GTF2IRD1: variants seen among roughly 807,000 people sequenced by gnomAD.
GTF2IRD1 encodes general transcription factor II-I repeat domain-containing protein 1.
GTF2IRD1 carries 26 observed loss-of-function variants against 113.2 expected under a neutral mutation model. The ratio of observed to expected loss-of-function variants is 0.23; its 90% CI spans 0.17 to 0.32. The LOEUF (loss-of-function observed/expected upper bound fraction) is 0.32. Among genes scored for constraint, GTF2IRD1 ranks in the 10% least tolerant of loss-of-function variants. The pLI is 1.00. For synonymous variants in GTF2IRD1, 484 were observed against 529.1 expected (o/e 0.91, Z 1.17); for missense variants, 864 against 1,280.8 (o/e 0.67, Z 4.97).
rs1562848828 is a variant in GTF2IRD1 at position 74,538,174 on chromosome 7, G to T, written c.1447+1G>T. ...AGCATGTCTGAAGACTGTGGGCCAG[G>T]TGAGAAGGAACAGGGCCCGCTGTGT... On this transcript the variant is annotated splice_donor_variant, in intron 12 of 26. Transcript: ENST00000424337. LOFTEE classifies it high-confidence loss of function. 1 of 1,612,592 alleles carries T rather than the reference G, an allele frequency of 6.2e-7. No individual in the cohort carries two copies. Among genetic ancestry groups the T allele is most frequent in the Non-Finnish European group, 8.5e-7 (1 of 1,179,838 alleles).
At position 74,561,362 on chromosome 7, in the gene GTF2IRD1, AAAAG is replaced by A. The variant is rs200277123; in HGVS notation, c.2320+1710_2320+1713del. 5.5e-4 allele frequency among the ~76,000 whole-genome samples: 82 copies of A among 149,570 alleles called. 2 individuals carry two copies. The highest frequency in any genetic ancestry group is 1.2e-3 in the East Asian group (6 of 4,896). ...AGATTGTCTCAAAAAAAAAAAAAAA[AAAAG>A]AACTTAGGGTACAGTGATGTGGCGG... On this transcript the variant is annotated intron_variant, in intron 22 of 26. Coordinates refer to ENST00000424337, the MANE Select transcript of GTF2IRD1 (RefSeq NM_005685.4).
At chr7:74,529,678 C>T in intron 8 of GTF2IRD1, 56 bp from the exon 9 acceptor site, 2 of 1,530,640 alleles carry the variant, frequency 1.3e-6, no homozygotes, top group Non-Finnish European at 1.8e-6. Context: ...CTCCCGGGTC[C>T]TGTGTGTCCA....
chr7:74,467,503 A>AG (rs1793798868), intron 1 of GTF2IRD1, among the ~76,000 whole-genome samples: 1 of 151,044 alleles, frequency 6.6e-6, no homozygotes, highest in Non-Finnish European at 1.5e-5. Context: ...TTATTTATTT[A>AG]TTTTGTTTTG....
chr7:74,588,305 G>A (rs1414514426), intron 22 of GTF2IRD1, among the ~76,000 whole-genome samples: 4 of 150,906 alleles, frequency 2.7e-5, no homozygotes, highest in Non-Finnish European at 4.4e-5. Context: ...ACGGGGTTTC[G>A]CTATGTTGGC....
chr7:74,524,995 C>T (rs1554346922), intron 8 of GTF2IRD1, among the ~76,000 whole-genome samples: 1 of 152,110 alleles, frequency 6.6e-6, no homozygotes, highest in Non-Finnish European at 1.5e-5. Flanking sequence ...TACGATTGTA[C>T]CCCTGCACTC....
At position 74,461,216 on chromosome 7, in the gene GTF2IRD1, G is replaced by A. The variant is rs1445677215; in HGVS notation, c.-7+7040G>A. Among the ~76,000 whole-genome samples, 4 of 152,278 alleles carry A rather than the reference G, an allele frequency of 2.6e-5. No homozygotes were observed. The South Asian group carries it at 8.3e-4, about 32-fold the overall frequency. On this transcript the variant is annotated intron_variant, in intron 1 of 26. Transcript: ENST00000424337. ...GGGAGGGCCTGGCTTGAGGGCTTGC[G>A]GTCCTGGGCACTTGAGGATGCAGAA...
intron 3 of GTF2IRD1, among the ~76,000 whole-genome samples, chr7:74,514,418 C>T (rs1449944749): frequency 6.6e-6 from 1 of 152,118 alleles, no homozygotes; most frequent in African/African-American, 2.4e-5. Flanking sequence ...CCGCCCAGAG[C>T]CTGAGGCGGT....
chr7:74,593,099 C>T (rs782014500), intron 24 of GTF2IRD1, among the ~76,000 whole-genome samples: 17 of 151,722 alleles, frequency 1.1e-4, no homozygotes, highest in Non-Finnish European at 2.1e-4. Flanking sequence ...TTAAGTGATC[C>T]GCCCACCTTG....
At chr7:74,593,970 C>T (rs1228187214) in intron 24 of GTF2IRD1, among the ~76,000 whole-genome samples, 3 of 151,642 alleles carry the variant, frequency 2.0e-5, no homozygotes, top group South Asian at 2.1e-4. Flanking sequence ...GAGGCCAAGG[C>T]GGGCAGTTCA....
At chr7:74,515,654 C>T (rs941093638) in intron 4 of GTF2IRD1, 58 bp downstream of exon 4, 20 of 1,524,006 alleles carry the variant, frequency 1.3e-5, no homozygotes, top group Non-Finnish European at 1.8e-5. Context: ...CCTCGGTCCC[C>T]ACCCAGCAGA....
At chr7:74,533,831 C>G (rs1554349535) in intron 9 of GTF2IRD1, among the ~76,000 whole-genome samples, 6 of 151,982 alleles carry the variant, frequency 3.9e-5, no homozygotes, top group Non-Finnish European at 1.5e-5. Flanking sequence ...GTCAGGAGTT[C>G]AATGTGGACA....
chr7:74,589,979 GT>G (rs782204776), intron 23 of GTF2IRD1, 51 bp downstream of exon 23: 22 of 1,227,996 alleles, frequency 1.8e-5, no homozygotes, highest in Non-Finnish European at 3.6e-6. Context: ...CCCGGGGGTG[GT>G]GGGGGGCCTC....
rs1480716426 is a variant in GTF2IRD1 at position 74,504,776 on chromosome 7, C to A, written c.-6-3299C>A. Among the ~76,000 whole-genome samples, 5 of 146,660 alleles carry A rather than the reference C, an allele frequency of 3.4e-5. No individual in the cohort carries two copies. The East Asian group carries it at 8.1e-4, about 24-fold the overall frequency. ...AGGCTGGAATGCAGTGGCGCCATCTCGGCTCACTGCAACCTCCACCGCCGG... is the reference window on the plus strand; with the variant it reads ...AGGCTGGAATGCAGTGGCGCCATCTAGGCTCACTGCAACCTCCACCGCCGG... On this transcript the variant is annotated intron_variant, in intron 1 of 26. Coordinates refer to ENST00000424337, the MANE Select transcript of GTF2IRD1 (RefSeq NM_005685.4).
At chr7:74,561,803 C>T (rs1472167910) in intron 22 of GTF2IRD1, among the ~76,000 whole-genome samples, 7 of 152,080 alleles carry the variant, frequency 4.6e-5, no homozygotes, top group African/African-American at 1.7e-4. Context: ...ACTAGGGTTA[C>T]AGCAGAGTGC....
intron 15 of GTF2IRD1, 55 bp downstream of exon 15, chr7:74,544,857 C>A (rs1180232322): frequency 1.4e-6 from 2 of 1,413,428 alleles, no homozygotes; most frequent in South Asian, 1.2e-5. Context: ...CATCTCTCTT[C>A]CCCTGCCGCC....
intron 1 of GTF2IRD1, among the ~76,000 whole-genome samples, chr7:74,464,919 T>A (rs1562769682): frequency 6.6e-6 from 1 of 151,944 alleles, no homozygotes; most frequent in Non-Finnish European, 1.5e-5. Flanking sequence ...ACTCGGTGGG[T>A]AGCCTGGAAA....
At chr7:74,481,319 T>A (rs1794730718) in intron 1 of GTF2IRD1, among the ~76,000 whole-genome samples, 1 of 151,518 alleles carries the variant, frequency 6.6e-6, no homozygotes. Flanking sequence ...CACGCCCGGC[T>A]CATATTTTAA....
chr7:74,571,825 T>C (rs926124042), intron 22 of GTF2IRD1, among the ~76,000 whole-genome samples: 19 of 152,050 alleles, frequency 1.2e-4, no homozygotes, highest in African/African-American at 4.3e-4. Context: ...TTTGTCATTG[T>C]ACTCCAGCCT....
At chr7:74,486,707 C>T (rs1269124321) in intron 1 of GTF2IRD1, among the ~76,000 whole-genome samples, 3 of 151,890 alleles carry the variant, frequency 2.0e-5, no homozygotes, top group Non-Finnish European at 4.4e-5. Context: ...CATGGTGGCT[C>T]ATGCCTATAG....
Sources: gnomAD v4.1 joint callset for allele counts (sites outside exome capture counted in the v4.1 genomes callset) on GRCh38, gnomAD v4.1.1 for gene constraint, MANE v1.5 for transcripts, NCBI Gene and HGNC (gene_info 2026-07-23, HGNC 2026-07-21) for gene names.